SLC7A11: variants seen among roughly 807,000 people sequenced by gnomAD.
SLC7A11 encodes cystine/glutamate transporter.
A neutral mutation model predicts 54.5 loss-of-function variants in SLC7A11; 35 were observed. That is an observed-to-expected ratio of 0.64 (90% CI 0.49 to 0.85). The LOEUF (loss-of-function observed/expected upper bound fraction) is 0.85, where lower values mean the gene tolerates loss of function less well. SLC7A11 is among the 40% of genes least tolerant of loss of function. The pLI, the probability that SLC7A11 is intolerant of heterozygous loss-of-function variation, is 0.00. For synonymous variants in SLC7A11, 230 were observed against 225.2 expected, an observed-to-expected ratio of 1.02 and a Z score of -0.19; for missense variants, 583 against 618.1, an observed-to-expected ratio of 0.94 and a Z score of 0.60.
At chr4:138,201,316 G>A (rs917735547) in intron 6 of SLC7A11, among the ~76,000 whole-genome samples, 2 of 152,026 alleles carry the variant, frequency 1.3e-5, no homozygotes, top group African/African-American at 4.8e-5. Context: ...ATATGTATCA[G>A]TACGGGTTAT....
At chr4:138,192,616 G>A (rs976470078) in intron 6 of SLC7A11, among the ~76,000 whole-genome samples, 2 of 151,984 alleles carry the variant, frequency 1.3e-5, no homozygotes, top group Non-Finnish European at 2.9e-5. Context: ...GTCTATACAA[G>A]ACTTAAAGTG....
intron 11 of SLC7A11, among the ~76,000 whole-genome samples, chr4:138,178,342 A>G (rs760506546): frequency 1.2e-4 from 18 of 152,092 alleles, no homozygotes; most frequent in Non-Finnish European, 1.5e-4. Flanking sequence ...ATAGTATTCT[A>G]TCATATTTAT....
chr4:138,173,651 A>AT (rs1427865036), intron 11 of SLC7A11, among the ~76,000 whole-genome samples: 2 of 151,298 alleles, frequency 1.3e-5, no homozygotes, highest in Admixed American at 6.6e-5. Context: ...AAAAAAAAGT[A>AT]TTTTTTTCAT....
At chr4:138,176,511 G>C (rs893001380) in intron 11 of SLC7A11, 1 of 152,152 alleles carries the variant, frequency 6.6e-6, no homozygotes, top group Admixed American at 6.6e-5. Flanking sequence ...GATCAAGCAT[G>C]AAAACCGCTT....
chr4:138,218,623 C>T (rs1324062790), intron 5 of SLC7A11, among the ~76,000 whole-genome samples: 1 of 152,090 alleles, frequency 6.6e-6, no homozygotes, highest in East Asian at 1.9e-4. Context: ...GGACATACAT[C>T]AAAGGAAATA....
intron 5 of SLC7A11, among the ~76,000 whole-genome samples, chr4:138,216,616 C>T (rs1306417709): frequency 6.6e-6 from 1 of 152,168 alleles, no homozygotes; most frequent in Admixed American, 6.5e-5. Flanking sequence ...TTTCAGCATT[C>T]CTCAGAGACA....
chr4:138,197,900 TTTA>T (rs1737178729), intron 6 of SLC7A11, among the ~76,000 whole-genome samples: 1 of 151,012 alleles, frequency 6.6e-6, no homozygotes, highest in Non-Finnish European at 1.5e-5. Context: ...ATACATTAAT[TTTA>T]TTATTATAAT....
At chr4:138,221,734 T>A (rs963392540) in intron 4 of SLC7A11, among the ~76,000 whole-genome samples, 1 of 152,166 alleles carries the variant, frequency 6.6e-6, no homozygotes, top group Admixed American at 6.5e-5. Flanking sequence ...CTCATATACA[T>A]ATATAAATAC....
At chr4:138,181,889 G>A (rs916320469) in intron 9 of SLC7A11, among the ~76,000 whole-genome samples, 9 of 152,080 alleles carry the variant, frequency 5.9e-5, no homozygotes, top group African/African-American at 1.9e-4. Context: ...ATAATTTTGT[G>A]TGCATTTCAT....
In SLC7A11 at chr4:138,180,401, C is replaced by G. The variant is rs573841563; in HGVS notation, c.1266+240G>C. 2.6e-5 allele frequency among the ~76,000 whole-genome samples: 4 copies of G among 152,176 alleles called. No homozygotes were observed. The South Asian group carries it at 6.2e-4, about 24-fold the overall frequency. On this transcript the variant is annotated intron_variant, in intron 10 of 11. Transcript: ENST00000280612. ...TCAACATACCAAACATTCATTCATA[C>G]AGTCATTTTTCAAAAATTTGACATA...
At chr4:138,199,824 GACAA>G (rs1351237802) in intron 6 of SLC7A11, among the ~76,000 whole-genome samples, 3 of 152,128 alleles carry the variant, frequency 2.0e-5, no homozygotes, top group Non-Finnish European at 2.9e-5. Flanking sequence ...TTGGCATAAA[GACAA>G]ACAATTCCGC....
At chr4:138,202,965 G>A (rs996944775) in intron 6 of SLC7A11, among the ~76,000 whole-genome samples, 3 of 151,986 alleles carry the variant, frequency 2.0e-5, no homozygotes, top group Non-Finnish European at 2.9e-5. Context: ...CTTAGAATAC[G>A]AAATGAGTAA....
At chr4:138,190,180 T>C (rs1736975389) in intron 6 of SLC7A11, among the ~76,000 whole-genome samples, 1 of 152,110 alleles carries the variant, frequency 6.6e-6, no homozygotes, top group South Asian at 2.1e-4. Flanking sequence ...AGAGAAATGG[T>C]TGATGCTTCA....
At chr4:138,232,183 CA>C in intron 3 of SLC7A11, 83 bp downstream of exon 3, 5 of 922,386 alleles carry the variant, frequency 5.4e-6, no homozygotes, top group Non-Finnish European at 9.0e-6. Flanking sequence ...GGCAATCCCG[CA>C]ATGCAAAAAG....
intron 2 of SLC7A11, among the ~76,000 whole-genome samples, chr4:138,235,832 C>T (rs1738194834): frequency 6.6e-6 from 1 of 152,206 alleles, no homozygotes; most frequent in Non-Finnish European, 1.5e-5. Flanking sequence ...AGTCATTTGA[C>T]TCTGTCATGC....
At chr4:138,237,828 T>C (rs1341121499) in intron 1 of SLC7A11, among the ~76,000 whole-genome samples, 1 of 137,974 alleles carries the variant, frequency 7.2e-6, no homozygotes, top group Non-Finnish European at 1.5e-5. Context: ...CTCTGCTCAC[T>C]GCAACCTCTG....
rs1737603868 is a variant in SLC7A11, at chr4:138,213,532, CCTCTCTCTCTCTAT to C, written c.791+1039_791+1052del. On this transcript the variant is annotated intron_variant, in intron 6 of 11. Transcript: ENST00000280612. ...TGTGTTTGTTTGTGTTTGTGTTTCTCCTCTCTCTCTCTATCTCTCTCTCTCTCTCCTCCCATACC... is the reference window on the plus strand; with the variant it reads ...TGTGTTTGTTTGTGTTTGTGTTTCTCCTCTCTCTCTCTCTCCTCCCATACC... Among the ~76,000 whole-genome samples, 4 of 148,972 alleles carry C rather than the reference CCTCTCTCTCTCTAT, an allele frequency of 2.7e-5. No homozygotes were observed. The South Asian group carries it at 8.6e-4, about 32-fold the overall frequency.
At position 138,164,442 on chromosome 4, in the gene SLC7A11, A is replaced by C. The variant is rs1008948405; in HGVS notation, c.*7514T>G. ...CAGAGGGAACTCATTTAGCTATAGA[A>C]GAATCCATTTTATTTCACATATCAC... On this transcript the variant is annotated 3_prime_UTR_variant, in exon 12 of 12. Transcript: ENST00000280612. The C allele has an allele frequency of 9.2e-5, 14 of 152,146 alleles. No homozygotes were observed. The highest frequency in any genetic ancestry group is 3.4e-4 in the African/African-American group (14 of 41,454). The allele number at this position is 152,146 out of a possible 1,614,324, so 9.4% of individuals were successfully genotyped here.
At position 138,241,819 on chromosome 4, in the gene SLC7A11, G is replaced by T; in HGVS notation, c.251C>A (p.Thr84Lys). 1 of 1,613,920 alleles carries T rather than the reference G, an allele frequency of 6.2e-7. No individual in the cohort carries two copies. Among genetic ancestry groups the T allele is most frequent in the Non-Finnish European group, 8.5e-7 (1 of 1,179,906 alleles). Residue 84 changes from threonine to lysine, a missense_variant, in exon 1 of 12, where the codon ACG (threonine) becomes AAG (lysine). By Grantham distance (78) the Thr-to-Lys change is moderately conservative. Coordinates refer to ENST00000280612, the MANE Select transcript of SLC7A11 (RefSeq NM_014331.4). Reference protein sequence around the residue: ...GSVGMSLTIWTVCGVLSLFGA... With the variant: ...GSVGMSLTIWKVCGVLSLFGA... ...AAATAGTGACAGGACCCCACACACC[G>T]TCCAGATGGTCAGAGACATGCCCAC...
Sources: allele counts gnomAD v4.1 joint callset (sites outside exome capture counted in the v4.1 genomes callset), GRCh38; gene constraint gnomAD v4.1.1; transcripts MANE v1.5; gene names NCBI Gene and HGNC (gene_info 2026-07-23, HGNC 2026-07-21).